The following LRRTM4 variants were observed in gnomAD, a reference collection of about 807,000 sequenced individuals.
LRRTM4 encodes leucine-rich repeat transmembrane neuronal protein 4.
A neutral mutation model predicts 47.6 loss-of-function variants in LRRTM4; 25 were observed. The observed-to-expected ratio is 0.53, with a 90% CI of 0.38 to 0.73. The LOEUF (loss-of-function observed/expected upper bound fraction) is 0.73. Ranked by LOEUF, LRRTM4 falls within the 30% of genes least tolerant of loss-of-function variation. LRRTM4 has a pLI of 0.00. For missense variants in LRRTM4, 638 were observed against 713.4 expected (o/e 0.89, Z 1.20); for synonymous variants, 311 against 269.5 (o/e 1.15, Z -1.51).
intron 3 of LRRTM4, among the ~76,000 whole-genome samples, chr2:76,945,560 A>G (rs1397175534): frequency 6.6e-6 from 1 of 152,036 alleles, no homozygotes; most frequent in Non-Finnish European, 1.5e-5. Context: ...ATTTGATTAC[A>G]AAGTCTTTTT....
At chr2:77,081,765 G>A (rs1474998944) in intron 3 of LRRTM4, among the ~76,000 whole-genome samples, 1 of 152,082 alleles carries the variant, frequency 6.6e-6, no homozygotes, top group Non-Finnish European at 1.5e-5. Flanking sequence ...GCTGCACACT[G>A]AAAAACTGTT....
chr2:77,272,778 TC>T (rs1676240029), intron 3 of LRRTM4, among the ~76,000 whole-genome samples: 2 of 152,136 alleles, frequency 1.3e-5, no homozygotes, highest in Non-Finnish European at 2.9e-5. Context: ...GGCACCACCC[TC>T]CTTTTTTTCT....
chr2:77,126,999 T>G (rs1437667432), intron 3 of LRRTM4, among the ~76,000 whole-genome samples: 1 of 152,228 alleles, frequency 6.6e-6, no homozygotes, highest in Non-Finnish European at 1.5e-5. Context: ...TTGGGAAGGT[T>G]GCTATACTGT....
chr2:76,807,445 CAT>C (rs779192487), intron 3 of LRRTM4, among the ~76,000 whole-genome samples: 1,568 of 69,152 alleles, frequency 0.023, 35 homozygotes, highest in African/African-American at 0.042. Flanking sequence ...TACGTATATA[CAT>C]ATATATATAT....
intron 3 of LRRTM4, among the ~76,000 whole-genome samples, chr2:77,008,249 G>A (rs1288599644): frequency 2.6e-5 from 4 of 152,038 alleles, no homozygotes; most frequent in Non-Finnish European, 4.4e-5. Context: ...TACTTGAACT[G>A]GTGGTACACA....
chr2:77,410,383 C>T (rs1298632008), intron 3 of LRRTM4, among the ~76,000 whole-genome samples: 1 of 152,156 alleles, frequency 6.6e-6, no homozygotes, highest in Non-Finnish European at 1.5e-5. Context: ...CACACTGGTA[C>T]TTGAAACCCC....
chr2:77,518,744 G>T lies in LRRTM4; in HGVS notation c.1125C>A (p.Pro375=). 1 of 1,613,346 alleles carries T rather than the reference G, an allele frequency of 6.2e-7. No homozygotes were observed. Among genetic ancestry groups the T allele is most frequent in the South Asian group, 1.1e-5 (1 of 91,064 alleles). The change falls in exon 3 of 4, where the codon CCC becomes CCA. Residue 375 remains proline, a synonymous_variant. Coordinates refer to ENST00000409884, the MANE Select transcript of LRRTM4 (RefSeq NM_001134745.3). ...TAATCAGAGGTTTCTGGGGAGTTTG[G>T]GGCACCAGGTGTGATCTTTCTGTGT... is the stretch of plus-strand genomic sequence containing the variant. The part of the protein sequence containing the change: ...VVNTERSHLV[P]QTPQKPLIIP...
intron 3 of LRRTM4, among the ~76,000 whole-genome samples, chr2:77,147,110 T>C (rs201579425): frequency 2.6e-5 from 4 of 152,204 alleles, no homozygotes; most frequent in Non-Finnish European, 5.9e-5. Context: ...TTTTTTCTAC[T>C]TGTATATTTC....
intron 3 of LRRTM4, among the ~76,000 whole-genome samples, chr2:77,291,079 C>T (rs753274907): frequency 2.0e-5 from 3 of 152,022 alleles, no homozygotes; most frequent in Non-Finnish European, 4.4e-5. Flanking sequence ...ATATTATGTT[C>T]TCAGTGCATA....
chr2:77,028,405 C>A (rs1678527797), intron 3 of LRRTM4, among the ~76,000 whole-genome samples: 1 of 152,114 alleles, frequency 6.6e-6, no homozygotes, highest in Non-Finnish European at 1.5e-5. Flanking sequence ...TTCTAACCTT[C>A]CTCACTTCAT....
intron 3 of LRRTM4, among the ~76,000 whole-genome samples, chr2:77,368,829 G>GTTTCCTTT (rs1672551158): frequency 2.6e-5 from 4 of 151,630 alleles, no homozygotes; most frequent in Non-Finnish European, 4.4e-5. Flanking sequence ...TTTATGAGGT[G>GTTTCCTTT]GTGATTTTGT....
chr2:76,870,248 C>A (rs1002218253), intron 3 of LRRTM4, among the ~76,000 whole-genome samples: 5 of 152,122 alleles, frequency 3.3e-5, no homozygotes, highest in Non-Finnish European at 7.3e-5. Context: ...ATATAGATTG[C>A]ATTTGGATCT....
chr2:77,074,904 T>A (rs1338342964), intron 3 of LRRTM4, among the ~76,000 whole-genome samples: 1 of 129,274 alleles, frequency 7.7e-6, no homozygotes, highest in Non-Finnish European at 1.5e-5. Flanking sequence ...AGGTTTGACT[T>A]AAGTTTCACT....
chr2:77,462,351 G>A (rs1365232168), intron 3 of LRRTM4, among the ~76,000 whole-genome samples: 1 of 152,076 alleles, frequency 6.6e-6, no homozygotes, highest in Non-Finnish European at 1.5e-5. Context: ...AATTAGTCCA[G>A]ATATCTGGAT....
chr2:76,943,604 T>C (rs779056890), intron 3 of LRRTM4, among the ~76,000 whole-genome samples: 1 of 152,164 alleles, frequency 6.6e-6, no homozygotes, highest in Non-Finnish European at 1.5e-5. Context: ...CCATGACAAT[T>C]TGACCCTACC....
At chr2:77,123,296 T>C (rs1026442288) in intron 3 of LRRTM4, among the ~76,000 whole-genome samples, 22 of 151,942 alleles carry the variant, frequency 1.4e-4, no homozygotes, top group African/African-American at 4.3e-4. Context: ...GCTTTTTATA[T>C]CTTTACACTA....
chr2:76,792,163 G>A (rs544717190), intron 3 of LRRTM4, among the ~76,000 whole-genome samples: 4 of 152,114 alleles, frequency 2.6e-5, no homozygotes, highest in South Asian at 4.1e-4. Flanking sequence ...AAGAAAAGAC[G>A]ATCATATACA....
intron 3 of LRRTM4, among the ~76,000 whole-genome samples, chr2:76,834,117 T>C (rs529186707): frequency 6.6e-6 from 1 of 151,860 alleles, no homozygotes; most frequent in South Asian, 2.1e-4. Flanking sequence ...CTTGGCTCAC[T>C]GCAACCTCTC....
At chr2:77,307,549 A>G (rs1350357465) in intron 3 of LRRTM4, among the ~76,000 whole-genome samples, 1 of 137,548 alleles carries the variant, frequency 7.3e-6, no homozygotes, top group Non-Finnish European at 1.6e-5. Context: ...ATATCTATAT[A>G]TTATAGAAAT....
Sources: gnomAD v4.1 joint callset for allele counts (sites outside exome capture counted in the v4.1 genomes callset) on GRCh38, gnomAD v4.1.1 for gene constraint, MANE v1.5 for transcripts, NCBI Gene and HGNC (gene_info 2026-07-23, HGNC 2026-07-21) for gene names.